UNC5D: variants seen among roughly 807,000 people sequenced by gnomAD.
UNC5D encodes netrin receptor UNC5D.
In UNC5D, 39 loss-of-function variants were observed where a neutral mutation model predicts 105.4. That is an observed-to-expected ratio of 0.37 (90% CI 0.29 to 0.48). The LOEUF (loss-of-function observed/expected upper bound fraction) is 0.48. Among genes scored for constraint, UNC5D ranks in the 20% least tolerant of loss-of-function variants. The probability of loss-of-function intolerance (pLI) is 0.98; values close to 1 mark genes in which losing one functional copy is unlikely to be tolerated. For missense variants in UNC5D, 991 were observed against 1,202.4 expected (o/e 0.82, Z 2.60); for synonymous variants, 452 against 450.4 (o/e 1.00, Z -0.04).
intron 4 of UNC5D, among the ~76,000 whole-genome samples, chr8:35,639,874 C>A (rs1452393613): frequency 6.6e-6 from 1 of 151,836 alleles, no homozygotes; most frequent in African/African-American, 2.4e-5. Flanking sequence ...GGCATGCACC[C>A]CCATGCCTGG....
intron 4 of UNC5D, among the ~76,000 whole-genome samples, chr8:35,660,649 G>A (rs1287824847): frequency 6.6e-6 from 1 of 152,152 alleles, no homozygotes; most frequent in Non-Finnish European, 1.5e-5. Flanking sequence ...GAGGAGCAGA[G>A]TTGTACCTAT....
chr8:35,494,133 CTT>C (rs1414552451), intron 1 of UNC5D, among the ~76,000 whole-genome samples: 2 of 152,052 alleles, frequency 1.3e-5, no homozygotes, highest in Non-Finnish European at 2.9e-5. Context: ...TCAGCTGTCT[CTT>C]TCTCTCTTAA....
At chr8:35,701,393 A>G (rs576966387) in intron 7 of UNC5D, among the ~76,000 whole-genome samples, 1 of 152,286 alleles carries the variant, frequency 6.6e-6, no homozygotes, top group South Asian at 2.1e-4. Flanking sequence ...ATCTTCCCCC[A>G]GGGCCTACTC....
intron 1 of UNC5D, among the ~76,000 whole-genome samples, chr8:35,422,902 C>T (rs376986141): frequency 6.6e-6 from 1 of 152,156 alleles, no homozygotes; most frequent in African/African-American, 2.4e-5. Flanking sequence ...AAAGTGGTCA[C>T]ATGGGTAGAT....
At chr8:35,537,541 C>T (rs1235344221) in intron 1 of UNC5D, among the ~76,000 whole-genome samples, 1 of 151,992 alleles carries the variant, frequency 6.6e-6, no homozygotes, top group African/African-American at 2.4e-5. Flanking sequence ...ATTATCTGGG[C>T]ATGGTGTCAC....
chr8:35,295,896 A>T (rs899527772), intron 1 of UNC5D, among the ~76,000 whole-genome samples: 1 of 152,138 alleles, frequency 6.6e-6, no homozygotes, highest in Non-Finnish European at 1.5e-5. Flanking sequence ...ACTCCTTTAG[A>T]TTCTACATGT....
chr8:35,469,774 C>A (rs1055078642), intron 1 of UNC5D, among the ~76,000 whole-genome samples: 19 of 152,154 alleles, frequency 1.2e-4, no homozygotes, highest in Non-Finnish European at 2.5e-4. Flanking sequence ...AAAATCAGGT[C>A]TCATGACTTC....
intron 1 of UNC5D, among the ~76,000 whole-genome samples, chr8:35,455,304 AGT>A (rs1252829092): frequency 9.5e-5 from 14 of 147,942 alleles, no homozygotes; most frequent in Admixed American, 8.8e-4. Flanking sequence ...TTTGAGACTG[AGT>A]GTCATTCTGT....
In UNC5D at chr8:35,513,644, A is replaced by G. The variant is rs1321124097; in HGVS notation, c.104-35648A>G. ...ACTTACTTGTCATCTAACATACCAT[A>G]GACTTGTTAAAAATGAGTTCCTTGT... is the stretch of plus-strand genomic sequence containing the variant. On this transcript the variant is annotated intron_variant, in intron 1 of 16. Coordinates refer to ENST00000404895, the MANE Select transcript of UNC5D (RefSeq NM_080872.4). Among the ~76,000 whole-genome samples the G allele has an allele frequency of 2.0e-5, 3 of 152,168 alleles. No homozygotes were observed. In the East Asian group the frequency reaches 5.8e-4, roughly 29 times the overall value.
chr8:35,439,327 A>T (rs1022668891), intron 1 of UNC5D, among the ~76,000 whole-genome samples: 1 of 151,966 alleles, frequency 6.6e-6, no homozygotes, highest in East Asian at 1.9e-4. Flanking sequence ...TAAATTTGGG[A>T]TGTTCTCCGT....
intron 1 of UNC5D, among the ~76,000 whole-genome samples, chr8:35,284,202 T>C (rs1399943862): frequency 6.6e-6 from 1 of 152,234 alleles, no homozygotes; most frequent in African/African-American, 2.4e-5. Flanking sequence ...ATTATGCATA[T>C]GAAATTATTA....
intron 1 of UNC5D, among the ~76,000 whole-genome samples, chr8:35,394,382 T>C (rs1585740712): frequency 6.6e-6 from 1 of 152,260 alleles, no homozygotes; most frequent in South Asian, 2.1e-4. Context: ...TACAAAAAAG[T>C]TGTACACTAA....
intron 1 of UNC5D, among the ~76,000 whole-genome samples, chr8:35,347,032 G>T (rs1811853980): frequency 6.6e-6 from 1 of 151,994 alleles, no homozygotes; most frequent in African/African-American, 2.4e-5. Context: ...TAGGTTAATT[G>T]AAGCTTGGCA....
chr8:35,516,145 A>C (rs1029380537), intron 1 of UNC5D, among the ~76,000 whole-genome samples: 4 of 152,140 alleles, frequency 2.6e-5, no homozygotes, highest in Admixed American at 2.0e-4. Context: ...TTCTTGAAAA[A>C]GGCTTTCATG....
chr8:35,480,030 G>A (rs1810374386), intron 1 of UNC5D, among the ~76,000 whole-genome samples: 1 of 152,154 alleles, frequency 6.6e-6, no homozygotes, highest in Admixed American at 6.5e-5. Context: ...TCCAATGGCA[G>A]TCCCTAACAG....
intron 4 of UNC5D, among the ~76,000 whole-genome samples, chr8:35,675,243 C>T (rs1057073979): frequency 2.0e-5 from 3 of 152,196 alleles, no homozygotes; most frequent in Admixed American, 2.0e-4. Context: ...ATAATGGACC[C>T]CTCCCTTACC....
At chr8:35,333,209 T>C (rs181712583) in intron 1 of UNC5D, among the ~76,000 whole-genome samples, 1 of 152,218 alleles carries the variant, frequency 6.6e-6, no homozygotes, top group East Asian at 1.9e-4. Flanking sequence ...GTGTCTCAGC[T>C]ACTCAGCAGG....
At chr8:35,616,834 T>C (rs140034913) in intron 4 of UNC5D, among the ~76,000 whole-genome samples, 142 of 152,264 alleles carry the variant, frequency 9.3e-4, no homozygotes, top group African/African-American at 3.1e-3. Flanking sequence ...CAGCAGTCAG[T>C]TGGTAGTAAG....
intron 1 of UNC5D, among the ~76,000 whole-genome samples, chr8:35,380,099 C>T (rs1392652294): frequency 5.3e-5 from 1 of 18,902 alleles, no homozygotes; most frequent in African/African-American, 2.5e-4. Context: ...GGGGGGGGGT[C>T]GGGGAGAGAG....
Sources: allele counts gnomAD v4.1 joint callset (sites outside exome capture counted in the v4.1 genomes callset), GRCh38; gene constraint gnomAD v4.1.1; transcripts MANE v1.5; gene names NCBI Gene and HGNC (gene_info 2026-07-23, HGNC 2026-07-21).